BRAF: variants seen among roughly 807,000 people sequenced by gnomAD.
The protein encoded by BRAF is serine/threonine-protein kinase B-raf.
BRAF carries 16 observed loss-of-function variants against 104.6 expected under a neutral mutation model. That is an observed-to-expected ratio of 0.15 (90% CI 0.10 to 0.23). BRAF has a LOEUF of 0.23. Ranked by LOEUF, BRAF falls within the 10% of genes least tolerant of loss-of-function variation. BRAF has a pLI of 1.00. For synonymous variants in BRAF, 310 were observed against 341.6 expected (o/e 0.91, Z 1.02); for missense variants, 541 against 937.3 (o/e 0.58, Z 5.52).
At chr7:140,855,516 C>T (rs1250734391) in intron 1 of BRAF, among the ~76,000 whole-genome samples, 1 of 150,756 alleles carries the variant, frequency 6.6e-6, no homozygotes, top group Non-Finnish European at 1.5e-5. Flanking sequence ...TAAATGCAGA[C>T]AAACTGCTAT....
At chr7:140,830,442 T>A (rs1430504642) in intron 3 of BRAF, among the ~76,000 whole-genome samples, 8 of 152,218 alleles carry the variant, frequency 5.3e-5, no homozygotes, top group Non-Finnish European at 7.3e-5. Flanking sequence ...TGTAATTTCC[T>A]GAGTGATCAG....
intron 1 of BRAF, among the ~76,000 whole-genome samples, chr7:140,900,902 C>T (rs1815555440): frequency 6.6e-6 from 1 of 152,210 alleles, no homozygotes; most frequent in Non-Finnish European, 1.5e-5. Flanking sequence ...TGAGCCACTG[C>T]ACCTGGGTCC....
chr7:140,739,798 A>G lies in BRAF; in HGVS notation c.2247+14T>C. 1 of 1,611,804 alleles carries G rather than the reference A, an allele frequency of 6.2e-7. No homozygotes were observed. The highest frequency in any genetic ancestry group is 2.2e-5 in the East Asian group (1 of 44,860). ...TTAGTCTGTTCTTTTGGATAGCATG[A>G]AGCTTTTACTTACTTGGGGAAAGAG... On this transcript the variant is annotated intron_variant, in intron 18 of 19. Coordinates refer to ENST00000644969, the MANE Select transcript of BRAF (RefSeq NM_001374258.1).
At chr7:140,794,274 T>G (rs1802294249) in intron 8 of BRAF, 34 bp downstream of exon 8, 2 of 1,585,810 alleles carry the variant, frequency 1.3e-6, no homozygotes, top group Non-Finnish European at 1.7e-6. Context: ...ACATACTTGG[T>G]TTTTTTTTAG....
In BRAF at chr7:140,720,955, T is replaced by G. The variant is rs1354282740; in HGVS notation, c.*5539A>C. 5.6e-6 allele frequency: 6 copies of G among 1,065,136 alleles called. No homozygotes were observed. In the African/African-American group the frequency reaches 8.2e-5, roughly 15 times the overall value. 66.0% of individuals were successfully genotyped at this position (1,065,136 alleles called of 1,614,324 possible). A position where few individuals can be genotyped will look rare whatever the true frequency, so the allele number is the denominator to read the frequency against. On this transcript the variant is annotated 3_prime_UTR_variant, in exon 20 of 20. Coordinates refer to ENST00000644969, the MANE Select transcript of BRAF (RefSeq NM_001374258.1). ...TGTACATGAGAACCAGCGGTCACGG[T>G]GCTGGAGAATGAACTCGGCTGGCCG...
At chr7:140,866,527 A>T (rs760585580) in intron 1 of BRAF, among the ~76,000 whole-genome samples, 1 of 152,234 alleles carries the variant, frequency 6.6e-6, no homozygotes, top group Admixed American at 6.5e-5. Context: ...CAGGTAGTTT[A>T]TAAGTGCTGG....
At chr7:140,822,168 G>GA (rs956532354) in intron 3 of BRAF, among the ~76,000 whole-genome samples, 2 of 150,570 alleles carry the variant, frequency 1.3e-5, no homozygotes, top group Non-Finnish European at 3.0e-5. Context: ...AATAAAAGTT[G>GA]AAAAAAAAAT....
chr7:140,914,399 T>C (rs1817347815), intron 1 of BRAF, among the ~76,000 whole-genome samples: 1 of 152,174 alleles, frequency 6.6e-6, no homozygotes, highest in Non-Finnish European at 1.5e-5. Context: ...AGGAAGAATA[T>C]GAGTGGAATA....
At chr7:140,861,635 C>A (rs940011150) in intron 1 of BRAF, among the ~76,000 whole-genome samples, 1 of 152,256 alleles carries the variant, frequency 6.6e-6, no homozygotes, top group South Asian at 2.1e-4. Context: ...TGTGCATGGG[C>A]ATGATAAACA....
intron 14 of BRAF, 112 bp from the exon 14 acceptor site, chr7:140,754,345 A>C: frequency 1.1e-6 from 1 of 869,756 alleles, no homozygotes; most frequent in Non-Finnish European, 2.0e-6. Flanking sequence ...GATACAACTG[A>C]AAATAGTACA....
In BRAF at chr7:140,820,381, T is replaced by C. The variant is rs369643643; in HGVS notation, c.505-11386A>G. Among the ~76,000 whole-genome samples the C allele has an allele frequency of 7.9e-5, 12 of 152,308 alleles. 1 individual carries two copies. The South Asian group carries it at 8.3e-4, about 11-fold the overall frequency. On this transcript the variant is annotated intron_variant, in intron 3 of 19. Transcript: ENST00000644969. ...CCCCAATAAAAGTATTCCCACAGTG[T>C]TTCAGGATATATGTACTTAAATATA...
intron 5 of BRAF, among the ~76,000 whole-genome samples, chr7:140,806,762 A>G (rs1402549565): frequency 2.6e-5 from 4 of 152,174 alleles, no homozygotes; most frequent in Non-Finnish European, 5.9e-5. Flanking sequence ...GTAAAATTTG[A>G]TTGACATTAG....
At chr7:140,904,172 T>A (rs917081400) in intron 1 of BRAF, among the ~76,000 whole-genome samples, 8 of 152,198 alleles carry the variant, frequency 5.3e-5, no homozygotes, top group Admixed American at 3.9e-4. Context: ...AGAGAAATCT[T>A]TTGTGAAAAG....
At chr7:140,891,187 A>C (rs1057265693) in intron 1 of BRAF, among the ~76,000 whole-genome samples, 1 of 152,180 alleles carries the variant, frequency 6.6e-6, no homozygotes. Context: ...AGGGGAAAAC[A>C]AAAGTACTTA....
In BRAF at chr7:140,723,332, T is replaced by C; in HGVS notation, c.*3162A>G. 9.5e-7 allele frequency: 1 copy of C among 1,055,878 alleles called. No individual in the cohort carries two copies. Among genetic ancestry groups the C allele is most frequent in the Non-Finnish European group, 1.1e-6 (1 of 873,430 alleles). The allele number at this position is 1,055,878 out of a possible 1,614,324, so 65.4% of individuals were successfully genotyped here. ...TGACAGTGCTGCAGTCTTGAATTAT[T>C]TCTTTATATACTGCTCTTTCTTCTC... On this transcript the variant is annotated 3_prime_UTR_variant, in exon 20 of 20. Transcript: ENST00000644969.
At chr7:140,917,957 G>C (rs893408645) in intron 1 of BRAF, among the ~76,000 whole-genome samples, 1 of 152,090 alleles carries the variant, frequency 6.6e-6, no homozygotes, top group Admixed American at 6.6e-5. Context: ...CAGTATTGTT[G>C]AGGAATTGTG....
intron 1 of BRAF, among the ~76,000 whole-genome samples, chr7:140,914,584 T>C (rs1817370185): frequency 6.6e-6 from 1 of 152,152 alleles, no homozygotes; most frequent in Non-Finnish European, 1.5e-5. Flanking sequence ...AAGTTCTGAG[T>C]TAATTAGGAG....
intron 2 of BRAF, among the ~76,000 whole-genome samples, chr7:140,843,163 G>A (rs1034941471): frequency 6.6e-6 from 1 of 152,144 alleles, no homozygotes; most frequent in Non-Finnish European, 1.5e-5. Context: ...ACTAGTATAG[G>A]GGTGATATGT....
In BRAF at chr7:140,723,657, A is replaced by G. The variant is rs777967171; in HGVS notation, c.*2837T>C. 47 of 1,050,864 alleles carry G rather than the reference A, an allele frequency of 4.5e-5. No individual in the cohort carries two copies. Among genetic ancestry groups the G allele is most frequent in the Non-Finnish European group, 5.1e-5 (44 of 870,324 alleles). The allele number at this position is 1,050,864 out of a possible 1,614,324, so 65.1% of individuals were successfully genotyped here. A position where few individuals can be genotyped will look rare whatever the true frequency, so the allele number is the denominator to read the frequency against. On this transcript the variant is annotated 3_prime_UTR_variant, in exon 20 of 20. Coordinates refer to ENST00000644969, the MANE Select transcript of BRAF (RefSeq NM_001374258.1). ...CCATCAGGAATACTACACAGTTACAAACAATCCTCTGTAGTTGCTCTCAAA... is the reference window on the plus strand; with the variant it reads ...CCATCAGGAATACTACACAGTTACAGACAATCCTCTGTAGTTGCTCTCAAA...
Sources: gnomAD v4.1 joint callset for allele counts (sites outside exome capture counted in the v4.1 genomes callset) on GRCh38, gnomAD v4.1.1 for gene constraint, MANE v1.5 for transcripts, NCBI Gene and HGNC (gene_info 2026-07-23, HGNC 2026-07-21) for gene names.